The following TLN2 variants were observed in gnomAD, a reference collection of about 807,000 sequenced individuals.
TLN2 encodes talin 2, also known as talin-2.
In TLN2, 118 loss-of-function variants were observed where a neutral mutation model predicts 294.7. The observed-to-expected ratio is 0.40, with a 90% CI of 0.34 to 0.47. The LOEUF (loss-of-function observed/expected upper bound fraction) is 0.47. Ranked by LOEUF, TLN2 falls within the 20% of genes least tolerant of loss-of-function variation. The pLI, the probability that TLN2 is intolerant of heterozygous loss-of-function variation, is 0.84. For synonymous variants in TLN2, 1,431 were observed against 1,304.5 expected, an observed-to-expected ratio of 1.10 and a Z score of -2.09; for missense variants, 3,083 against 3,282.2, an observed-to-expected ratio of 0.94 and a Z score of 1.48.
chr15:62,462,687 G>C (rs2036872014), intron 1 of TLN2, among the ~76,000 whole-genome samples: 1 of 152,198 alleles, frequency 6.6e-6, no homozygotes, highest in Admixed American at 6.5e-5. Context: ...AAATGGCCTG[G>C]CGCTGTGGGT....
At chr15:62,560,939 CT>C (rs2042908756) in intron 1 of TLN2, among the ~76,000 whole-genome samples, 3 of 152,260 alleles carry the variant, frequency 2.0e-5, no homozygotes, top group Non-Finnish European at 4.4e-5. Flanking sequence ...GTGGTGCCCA[CT>C]TGCGTGGCTC....
chr15:62,490,261 C>T (rs1007311365), intron 1 of TLN2, among the ~76,000 whole-genome samples: 5 of 152,078 alleles, frequency 3.3e-5, no homozygotes, highest in African/African-American at 1.2e-4. Flanking sequence ...GGGATTGTTA[C>T]CACAATTAAA....
intron 1 of TLN2, among the ~76,000 whole-genome samples, chr15:62,481,553 G>T (rs2038090209): frequency 6.6e-6 from 1 of 151,892 alleles, no homozygotes; most frequent in African/African-American, 2.4e-5. Flanking sequence ...GTAGATACAG[G>T]GTCACACCAT....
intron 1 of TLN2, among the ~76,000 whole-genome samples, chr15:62,423,404 A>G (rs757869100): frequency 1.5e-4 from 23 of 152,000 alleles, no homozygotes; most frequent in Admixed American, 6.6e-4. Flanking sequence ...ACAACAACAA[A>G]AAGTCACTGG....
chr15:62,680,241 T>C (rs1424034243), intron 11 of TLN2, among the ~76,000 whole-genome samples: 2 of 152,212 alleles, frequency 1.3e-5, no homozygotes, highest in African/African-American at 4.8e-5. Context: ...TTGCATGAAA[T>C]TTATAGATCA....
chr15:62,432,549 G>C (rs1420925141), intron 1 of TLN2, among the ~76,000 whole-genome samples: 2 of 152,312 alleles, frequency 1.3e-5, no homozygotes, highest in East Asian at 3.9e-4. Flanking sequence ...ATCGTACACA[G>C]GGTACCATAT....
At chr15:62,551,372 G>A (rs1184590110) in intron 1 of TLN2, among the ~76,000 whole-genome samples, 1 of 152,126 alleles carries the variant, frequency 6.6e-6, no homozygotes, top group East Asian at 1.9e-4. Context: ...CTTACCTGGT[G>A]TTAAGAACCA....
intron 1 of TLN2, among the ~76,000 whole-genome samples, chr15:62,432,191 C>T (rs2035046373): frequency 6.6e-6 from 1 of 151,850 alleles, no homozygotes; most frequent in Non-Finnish European, 1.5e-5. Context: ...TTATTAGGTC[C>T]TCTGGAAAAG....
chr15:62,548,034 T>A (rs145377395), intron 1 of TLN2, among the ~76,000 whole-genome samples: 2 of 152,312 alleles, frequency 1.3e-5, no homozygotes, highest in Non-Finnish European at 2.9e-5. Context: ...TGCAAACATA[T>A]GGAGCTTCAT....
chr15:62,793,545 A>T (rs1206643933), intron 46 of TLN2, among the ~76,000 whole-genome samples: 1 of 152,224 alleles, frequency 6.6e-6, no homozygotes. Context: ...TACACATGTA[A>T]TAAATCTAGC....
intron 19 of TLN2, 130 bp downstream of exon 19, chr15:62,702,994 A>G: frequency 1.2e-6 from 1 of 812,658 alleles, no homozygotes; most frequent in Non-Finnish European, 1.9e-6. Context: ...GAGATGGATT[A>G]TCTTGGGAGT....
At chr15:62,831,012 G>A (rs1346119494) in intron 54 of TLN2, 1 of 147,416 alleles carries the variant, frequency 6.8e-6, no homozygotes, top group Non-Finnish European at 1.5e-5. Context: ...ATATTTCCAA[G>A]TTGAATATCT....
chr15:62,784,099 C>A, intron 45 of TLN2: 1 of 784,790 alleles, frequency 1.3e-6, no homozygotes, highest in Non-Finnish European at 1.9e-6. Flanking sequence ...GCAGACTGGC[C>A]AAGAACTGGG....
chr15:62,701,956 C>T, intron 17 of TLN2, 36 bp from the exon 18 acceptor site: 3 of 1,608,332 alleles, frequency 1.9e-6, no homozygotes, highest in Non-Finnish European at 2.5e-6. Flanking sequence ...GAACCATGTG[C>T]CCTCCTTTGA....
intron 20 of TLN2, among the ~76,000 whole-genome samples, chr15:62,707,886 T>A (rs1442484594): frequency 6.6e-6 from 1 of 152,082 alleles, no homozygotes; most frequent in Non-Finnish European, 1.5e-5. Context: ...CTCTCGGTGA[T>A]GATGCAGCAG....
Position 62,740,659 on chromosome 15 carries a change from G to C in TLN2, c.3915G>C (p.Gly1305=). Residue 1305 remains glycine (G), a synonymous_variant, in exon 32 of 59, where the codon GGG becomes GGC. Transcript: ENST00000636159. ...AAGAAGACCAGATCCAAGTGATAGG[G>C]AACCTCAAGAATATCTCGATGGCAT... ...QTKEDQIQVI[G]NLKNISMASS... The C allele has an allele frequency of 6.2e-7, 1 of 1,614,160 alleles. No individual in the cohort carries two copies. Among genetic ancestry groups the C allele is most frequent in the Non-Finnish European group, 8.5e-7 (1 of 1,180,038 alleles).
At chr15:62,796,445 G>C (rs2065483786) in intron 47 of TLN2, 152 bp downstream of exon 47, 1 of 995,488 alleles carries the variant, frequency 1.0e-6, no homozygotes, top group Non-Finnish European at 1.4e-6. Flanking sequence ...CATGTAATCA[G>C]AATAAGCCCC....
chr15:62,797,970 A>G (rs978172408), intron 48 of TLN2, among the ~76,000 whole-genome samples: 1 of 152,188 alleles, frequency 6.6e-6, no homozygotes, highest in Non-Finnish European at 1.5e-5. Flanking sequence ...TGCAAGTGGC[A>G]CAGGAGACGG....
intron 1 of TLN2, among the ~76,000 whole-genome samples, chr15:62,454,948 C>T (rs1252102405): frequency 6.6e-6 from 1 of 152,148 alleles, no homozygotes; most frequent in Non-Finnish European, 1.5e-5. Flanking sequence ...CCAGGTCCCT[C>T]CACACAGCTT....
Sources: gnomAD v4.1 joint callset for allele counts (sites outside exome capture counted in the v4.1 genomes callset) on GRCh38, gnomAD v4.1.1 for gene constraint, MANE v1.5 for transcripts, NCBI Gene and HGNC (gene_info 2026-07-23, HGNC 2026-07-21) for gene names.